Variants in MDGA2 observed in about 807,000 individuals in gnomAD.
MDGA2 encodes MAM domain containing glycosylphosphatidylinositol anchor 2, also known as MAM domain-containing glycosylphosphatidylinositol anchor protein 2.
MDGA2 carries 40 observed loss-of-function variants against 117.8 expected under a neutral mutation model. The ratio of observed to expected loss-of-function variants is 0.34; its 90% CI spans 0.26 to 0.44. MDGA2 has a LOEUF of 0.44. Among genes scored for constraint, MDGA2 ranks in the 20% least tolerant of loss-of-function variants. The pLI is 1.00. For missense variants in MDGA2, 1,123 were observed against 1,250.6 expected (o/e 0.90, Z 1.54); for synonymous variants, 452 against 439.0 (o/e 1.03, Z -0.37).
intron 1 of MDGA2, among the ~76,000 whole-genome samples, chr14:47,374,664 A>G (rs906794449): frequency 6.6e-6 from 1 of 152,082 alleles, no homozygotes; most frequent in Non-Finnish European, 1.5e-5. Flanking sequence ...TCAATTTAGG[A>G]GTATTATACA....
intron 6 of MDGA2, among the ~76,000 whole-genome samples, chr14:47,077,159 T>C (rs1410017500): frequency 6.6e-6 from 1 of 152,128 alleles, no homozygotes; most frequent in Non-Finnish European, 1.5e-5. Flanking sequence ...AGTTAGGCGC[T>C]GGATTCCTTT....
intron 8 of MDGA2, among the ~76,000 whole-genome samples, chr14:46,990,900 A>AT (rs35569138): frequency 0.04 from 3,580 of 89,308 alleles, 150 homozygotes; most frequent in African/African-American, 0.14. Context: ...ACACACACAC[A>AT]CCCCGCGTAA....
chr14:47,254,320 T>C (rs1887547631), intron 2 of MDGA2, among the ~76,000 whole-genome samples: 1 of 152,182 alleles, frequency 6.6e-6, no homozygotes, highest in Admixed American at 6.5e-5. Context: ...TTTTATGCTG[T>C]GTTTCCTCTT....
intron 1 of MDGA2, among the ~76,000 whole-genome samples, chr14:47,476,363 A>G (rs922841601): frequency 6.6e-6 from 1 of 152,166 alleles, no homozygotes; most frequent in African/African-American, 2.4e-5. Context: ...AGTTTTAGAG[A>G]CACACGTAAA....
intron 14 of MDGA2, among the ~76,000 whole-genome samples, chr14:46,862,473 T>C (rs1881550020): frequency 6.7e-6 from 1 of 149,700 alleles, no homozygotes; most frequent in African/African-American, 2.4e-5. Flanking sequence ...GTTAACCTAG[T>C]TCTCTTAAGT....
intron 1 of MDGA2, among the ~76,000 whole-genome samples, chr14:47,554,493 G>A (rs1895647018): frequency 6.6e-6 from 1 of 151,966 alleles, no homozygotes; most frequent in South Asian, 2.1e-4. Flanking sequence ...CTTAGAAGTT[G>A]GTAATAATTC....
chr14:46,986,821 A>T (rs1229294922), intron 8 of MDGA2, among the ~76,000 whole-genome samples: 1 of 152,112 alleles, frequency 6.6e-6, no homozygotes, highest in Admixed American at 6.6e-5. Flanking sequence ...TTTTTAGCAT[A>T]ACCTGCCAAG....
At chr14:47,176,619 T>A (rs185881324) in intron 3 of MDGA2, among the ~76,000 whole-genome samples, 1 of 152,294 alleles carries the variant, frequency 6.6e-6, no homozygotes, top group East Asian at 1.9e-4. Flanking sequence ...TGAAACTGGA[T>A]CCCTTCCTTA....
chr14:46,989,777 G>T (rs1388152125), intron 8 of MDGA2, among the ~76,000 whole-genome samples: 1 of 152,040 alleles, frequency 6.6e-6, no homozygotes, highest in Non-Finnish European at 1.5e-5. Context: ...AGAGGAGACA[G>T]CTGGCAGGGA....
intron 1 of MDGA2, among the ~76,000 whole-genome samples, chr14:47,362,793 T>C (rs1317922697): frequency 6.6e-6 from 1 of 152,146 alleles, no homozygotes; most frequent in East Asian, 1.9e-4. Context: ...GTTTTGACAA[T>C]AGGTATTATT....
chr14:47,450,675 G>A (rs1893223152), intron 1 of MDGA2, among the ~76,000 whole-genome samples: 1 of 152,034 alleles, frequency 6.6e-6, no homozygotes. Context: ...CTTCAGGACA[G>A]TTACATATAG....
At chr14:46,897,006 G>C (rs1883102173) in intron 10 of MDGA2, among the ~76,000 whole-genome samples, 1 of 152,158 alleles carries the variant, frequency 6.6e-6, no homozygotes, top group South Asian at 2.1e-4. Flanking sequence ...GATATATCCA[G>C]TAGGGTTCTT....
intron 2 of MDGA2, among the ~76,000 whole-genome samples, chr14:47,262,462 C>T (rs953001474): frequency 6.6e-6 from 1 of 152,126 alleles, no homozygotes; most frequent in Non-Finnish European, 1.5e-5. Context: ...AAAATTTACA[C>T]CATACACTGT....
intron 16 of MDGA2, among the ~76,000 whole-genome samples, chr14:46,844,872 T>C (rs1261811093): frequency 7.2e-6 from 1 of 138,730 alleles, no homozygotes; most frequent in Non-Finnish European, 1.5e-5. Context: ...CTGATGATTT[T>C]TATTATTATT....
intron 1 of MDGA2, among the ~76,000 whole-genome samples, chr14:47,320,917 C>T (rs1013012534): frequency 3.3e-5 from 5 of 152,042 alleles, no homozygotes; most frequent in Non-Finnish European, 5.9e-5. Context: ...AAACATTGTA[C>T]CCCAGATTAA....
rs760442741 is a variant in MDGA2 at position 46,920,113 on chromosome 14, A to G, written c.2137T>C (p.Trp713Arg). The change falls in exon 10 of 17, where the codon TGG (tryptophan) becomes CGG (arginine). Residue 713 changes from tryptophan to arginine, a missense_variant. Physicochemically the swap from Trp to Arg is moderately radical, Grantham distance 101 (BLOSUM62 -3). Transcript: ENST00000399232. ...GAATAAACACGGTGTCTGTTCTGCC[A>G]TACTGGATTGTAGGTATCATAATAG... Reference protein sequence around the residue: ...EFYYDTYNPVWQNRHRVYSYS... With the variant: ...EFYYDTYNPVRQNRHRVYSYS... 1.2e-6 allele frequency: 2 copies of G among 1,611,616 alleles called. No homozygotes were observed. The highest frequency in any genetic ancestry group is 1.7e-6 in the Non-Finnish European group (2 of 1,178,948).
intron 14 of MDGA2, among the ~76,000 whole-genome samples, chr14:46,873,103 T>C (rs1882080260): frequency 6.6e-6 from 1 of 151,988 alleles, no homozygotes; most frequent in African/African-American, 2.4e-5. Context: ...ATTCAGTCAC[T>C]GTCGAAGCAT....
intron 8 of MDGA2, among the ~76,000 whole-genome samples, chr14:47,000,228 G>A (rs1466843118): frequency 2.0e-5 from 3 of 148,526 alleles, no homozygotes; most frequent in African/African-American, 4.9e-5. Flanking sequence ...TAATACACAA[G>A]GAATTTAAAG....
chr14:47,526,903 C>G (rs1263753131), intron 1 of MDGA2, among the ~76,000 whole-genome samples: 1 of 152,166 alleles, frequency 6.6e-6, no homozygotes, highest in African/African-American at 2.4e-5. Context: ...GCACTCTCCT[C>G]TCCAGAATGT....
Sources: gnomAD v4.1 joint callset for allele counts (sites outside exome capture counted in the v4.1 genomes callset) on GRCh38, gnomAD v4.1.1 for gene constraint, MANE v1.5 for transcripts, NCBI Gene and HGNC (gene_info 2026-07-23, HGNC 2026-07-21) for gene names.